PTPRJ: variants seen among roughly 807,000 people sequenced by gnomAD.
PTPRJ encodes the protein protein tyrosine phosphatase receptor type J, also known as receptor-type tyrosine-protein phosphatase eta.
PTPRJ carries 129 observed loss-of-function variants against 141.3 expected under a neutral mutation model. The observed-to-expected ratio is 0.91, with a 90% CI of 0.79 to 1.06. PTPRJ has a LOEUF of 1.06. PTPRJ is among the 50% of genes least tolerant of loss of function. PTPRJ has a pLI of 0.00. For synonymous variants in PTPRJ, 610 were observed against 640.5 expected (o/e 0.95, Z 0.72); for missense variants, 1,601 against 1,679.7 (o/e 0.95, Z 0.82).
intron 1 of PTPRJ, among the ~76,000 whole-genome samples, chr11:48,091,947 C>T (rs967252796): frequency 3.9e-5 from 6 of 152,140 alleles, no homozygotes. Flanking sequence ...TGGTAGGTTA[C>T]ATGCTTTGGC....
In PTPRJ at chr11:48,110,400, G is replaced by A. The variant is rs1408962821; in HGVS notation, c.115+324G>A. Among the ~76,000 whole-genome samples, 3 of 152,188 alleles carry A rather than the reference G, an allele frequency of 2.0e-5. No homozygotes were observed. The East Asian group carries it at 5.8e-4, about 29-fold the overall frequency. The stretch of plus-strand genomic sequence containing the variant: ...TTTTTGTATTTTTAGTAGAGACGGG[G>A]CTTCCCCATGTTGGTCTTGAACTCC... On this transcript the variant is annotated intron_variant, in intron 2 of 24. Coordinates refer to ENST00000418331, the MANE Select transcript of PTPRJ (RefSeq NM_002843.4).
At chr11:48,149,604 A>G (rs2134374794) in intron 16 of PTPRJ, 116 bp downstream of exon 16, 4 of 730,640 alleles carry the variant, frequency 5.5e-6, no homozygotes, top group East Asian at 5.8e-5. Flanking sequence ...CATTTTGACC[A>G]TGACCATCTG....
intron 1 of PTPRJ, among the ~76,000 whole-genome samples, chr11:48,004,188 C>T (rs562289195): frequency 6.6e-6 from 1 of 152,266 alleles, no homozygotes; most frequent in South Asian, 2.1e-4. Context: ...CTACACATTC[C>T]TGGTTATATC....
At chr11:48,133,063 G>A (rs1242425966) in intron 8 of PTPRJ, among the ~76,000 whole-genome samples, 1 of 152,154 alleles carries the variant, frequency 6.6e-6, no homozygotes, top group Non-Finnish European at 1.5e-5. Flanking sequence ...AATATGCTGG[G>A]GGTCTGCGAA....
intron 3 of PTPRJ, among the ~76,000 whole-genome samples, chr11:48,118,363 G>A (rs1278665877): frequency 6.6e-6 from 1 of 152,150 alleles, no homozygotes; most frequent in Non-Finnish European, 1.5e-5. Flanking sequence ...TGAGATTACA[G>A]GTGTGAGCCA....
In PTPRJ at chr11:48,139,828, C is replaced by T. The variant is rs369660968; in HGVS notation, c.2443+52C>T. The T allele has an allele frequency of 1.6e-4, 250 of 1,581,380 alleles. 2 individuals are homozygous for T. The Middle Eastern group carries it at 2.1e-3, about 13-fold the overall frequency. On this transcript the variant is annotated intron_variant, in intron 11 of 24. Coordinates refer to ENST00000418331, the MANE Select transcript of PTPRJ (RefSeq NM_002843.4). ...GTTGGCACTGTGATCACTCCTGGAG[C>T]GGCTGACCCACAGTGGGTCTGCACG...
chr11:48,016,705 G>A (rs780026021), intron 1 of PTPRJ, among the ~76,000 whole-genome samples: 6 of 152,090 alleles, frequency 3.9e-5, no homozygotes, highest in Non-Finnish European at 7.4e-5. Flanking sequence ...GAACATGGAA[G>A]CCTTTTGTCT....
intron 1 of PTPRJ, among the ~76,000 whole-genome samples, chr11:48,040,110 T>C (rs12282774): frequency 0.068 from 10,411 of 152,200 alleles, 1,140 homozygotes; most frequent in African/African-American, 0.23. Flanking sequence ...TTCTTGACAT[T>C]GCCAATGCAT....
At chr11:48,107,937 A>G (rs1009014987) in intron 1 of PTPRJ, among the ~76,000 whole-genome samples, 10 of 152,300 alleles carry the variant, frequency 6.6e-5, no homozygotes, top group African/African-American at 2.4e-4. Context: ...TAAAAAAATT[A>G]GCTGGGCATG....
Position 48,123,650 on chromosome 11 carries a change from G to C in PTPRJ, c.654G>C (p.Thr218=), listed in dbSNP as rs769445869. The C allele has an allele frequency of 3.1e-6, 5 of 1,613,974 alleles. No individual in the cohort carries two copies. In the East Asian group the frequency reaches 1.1e-4, roughly 36 times the overall value. ...TTTCTGATCTCCGTGTTGCCCTCAC[G>C]GGTGTGAGGAAGGCTGCTCTCTCCT... The part of the protein sequence containing the change: ...IPVSDLRVAL[T]GVRKAALSWS... Residue 218 remains threonine, a synonymous_variant, in exon 5 of 25, where the codon ACG becomes ACC. Transcript: ENST00000418331.
chr11:48,077,856 T>C (rs1454591700), intron 1 of PTPRJ, among the ~76,000 whole-genome samples: 1 of 152,202 alleles, frequency 6.6e-6, no homozygotes, highest in Non-Finnish European at 1.5e-5. Context: ...TGTGAACAAA[T>C]ATTCTACTCA....
chr11:48,043,099 C>G (rs1854309331), intron 1 of PTPRJ, among the ~76,000 whole-genome samples: 1 of 152,208 alleles, frequency 6.6e-6, no homozygotes, highest in South Asian at 2.1e-4. Flanking sequence ...GATCTGGAGC[C>G]TGGTGCAAGT....
intron 1 of PTPRJ, among the ~76,000 whole-genome samples, chr11:48,078,406 T>C (rs980060656): frequency 3.3e-5 from 5 of 152,104 alleles, no homozygotes; most frequent in African/African-American, 1.2e-4. Context: ...GTTTCGGCAG[T>C]TCAGGTTGTT....
intron 3 of PTPRJ, among the ~76,000 whole-genome samples, chr11:48,115,938 A>G (rs1169513715): frequency 6.6e-6 from 1 of 152,190 alleles, no homozygotes; most frequent in Non-Finnish European, 1.5e-5. Flanking sequence ...TACACAAAAA[A>G]TAAAAAGCAA....
At chr11:48,072,046 C>A (rs1855274157) in intron 1 of PTPRJ, among the ~76,000 whole-genome samples, 1 of 151,570 alleles carries the variant, frequency 6.6e-6, no homozygotes, top group Non-Finnish European at 1.5e-5. Context: ...CTTGGGATTA[C>A]AGGCACCTGC....
chr11:48,137,281 G>T lies in PTPRJ; in HGVS notation c.2152G>T (p.Asp718Tyr), dbSNP rs914832267. 1 of 1,612,848 alleles carries T rather than the reference G, an allele frequency of 6.2e-7. No individual in the cohort carries two copies. Among genetic ancestry groups the T allele is most frequent in the African/African-American group, 1.3e-5 (1 of 74,900 alleles). ...ACCTGGCCGGAAGTCATTCTGTACA[G>T]GTGAGTGTAGCCCCAACTGCCTCTT... The part of the protein sequence containing the change: ...LEPGRKSFCT[D>Y]PASMASFDCE... The change falls in exon 10 of 25, where the codon GAT becomes TAT. Residue 718 changes from aspartate (D) to tyrosine (Y), a missense_variant and splice_region_variant. Physicochemically the swap from Asp to Tyr is radical, Grantham distance 160. Transcript: ENST00000418331.
chr11:48,112,478 A>C (rs1353763733), intron 2 of PTPRJ, among the ~76,000 whole-genome samples: 1 of 152,178 alleles, frequency 6.6e-6, no homozygotes, highest in Non-Finnish European at 1.5e-5. Flanking sequence ...TGGCCATAGG[A>C]GCTCACGCCT....
At chr11:48,057,911 C>CTT (rs397947207) in intron 1 of PTPRJ, among the ~76,000 whole-genome samples, 4 of 143,646 alleles carry the variant, frequency 2.8e-5, no homozygotes, top group South Asian at 2.2e-4. Context: ...GTCTTCCTGC[C>CTT]TTTTTTTTTT....
Position 48,047,847 on chromosome 11 carries a change from G to A in PTPRJ, c.97-62211G>A, listed in dbSNP as rs2134243428. 1.3e-5 allele frequency among the ~76,000 whole-genome samples: 2 copies of A among 152,290 alleles called. 1 individual carries two copies. Among genetic ancestry groups the A allele is most frequent in the South Asian group, 4.2e-4 (2 of 4,818 alleles). On this transcript the variant is annotated intron_variant, in intron 1 of 24. Coordinates refer to ENST00000418331, the MANE Select transcript of PTPRJ (RefSeq NM_002843.4). ...ATTGGGGGTGGGGTGGGGCTGACGT[G>A]GCCTGGGGCAGATGCCGGGTGGTTC...
Sources: allele counts gnomAD v4.1 joint callset (sites outside exome capture counted in the v4.1 genomes callset), GRCh38; gene constraint gnomAD v4.1.1; transcripts MANE v1.5; gene names NCBI Gene and HGNC (gene_info 2026-07-23, HGNC 2026-07-21).